Variants in ZNF84 observed in about 807,000 individuals in gnomAD.
The protein encoded by ZNF84 is zinc finger protein 84.
ZNF84 carries 12 observed loss-of-function variants against 14.8 expected under a neutral mutation model. That is an observed-to-expected ratio of 0.81 (90% CI 0.52 to 1.31). The LOEUF (loss-of-function observed/expected upper bound fraction) is 1.31, where lower values mean the gene tolerates loss of function less well. Ranked by LOEUF, ZNF84 falls within the 50% of genes most tolerant of loss-of-function variation. The pLI is 0.00. For missense variants in ZNF84, 859 were observed against 878.6 expected (o/e 0.98, Z 0.28); for synonymous variants, 347 against 291.1 (o/e 1.19, Z -1.96).
At chr12:133,050,523 G>A (rs1183610043) in intron 4 of ZNF84, 1 of 398,560 alleles carries the variant, frequency 2.5e-6, no homozygotes, top group Non-Finnish European at 4.4e-6. Context: ...TCTGCTTTCA[G>A]GGACCTCCAT....
chr12:133,047,801 A>C, intron 2 of ZNF84, 154 bp from the exon 3 acceptor site: 2 of 761,982 alleles, frequency 2.6e-6, no homozygotes, highest in Non-Finnish European at 4.2e-6. Flanking sequence ...AAGAATGCAC[A>C]ATGACATTTT....
At position 133,063,028 on chromosome 12, in the gene ZNF84, T is replaced by C. The variant is rs1197022316; in HGVS notation, c.*4096T>C. 1.4e-6 allele frequency: 1 copy of C among 693,126 alleles called. No homozygotes were observed. Among genetic ancestry groups the C allele is most frequent in the Non-Finnish European group, 2.6e-6 (1 of 378,948 alleles). 42.9% of individuals were successfully genotyped at this position (693,126 alleles called of 1,614,324 possible). A position where few individuals can be genotyped will look rare whatever the true frequency, so the allele number is the denominator to read the frequency against. On this transcript the variant is annotated 3_prime_UTR_variant, in exon 5 of 5. Transcript: ENST00000539354. ...GCTTCTAGAAAGCTAGTACTATCTT[T>C]TTTGTCTGTGTAATTTTTGCATCAC...
rs2137431379 is a variant in ZNF84, at chr12:133,059,665, T to G, written c.*733T>G. Reference sequence around the variant, plus strand: ...GTCACGTATGTTTTGTGTTTTGGACTTACCTATAATTTAATGTAATTGGGA... The same window carrying G: ...GTCACGTATGTTTTGTGTTTTGGACGTACCTATAATTTAATGTAATTGGGA... On this transcript the variant is annotated 3_prime_UTR_variant, in exon 5 of 5. Transcript: ENST00000539354. The G allele has an allele frequency of 6.6e-6, 1 of 152,358 alleles. No individual in the cohort carries two copies. The highest frequency in any genetic ancestry group is 2.1e-4 in the South Asian group (1 of 4,832). 9.4% of individuals were successfully genotyped at this position (152,358 alleles called of 1,614,324 possible).
At chr12:133,042,814 A>C (rs921270643) in intron 2 of ZNF84, among the ~76,000 whole-genome samples, 2 of 152,200 alleles carry the variant, frequency 1.3e-5, no homozygotes, top group East Asian at 3.8e-4. Flanking sequence ...AGTATGTTTT[A>C]AAAAATACAG....
intron 1 of ZNF84, among the ~76,000 whole-genome samples, chr12:133,039,616 C>A (rs1379085481): frequency 6.6e-6 from 1 of 152,194 alleles, no homozygotes; most frequent in African/African-American, 2.4e-5. Flanking sequence ...TATTGTCTCA[C>A]ATACAGAAAG....
rs1954240005 is a variant in ZNF84, at chr12:133,060,420, C to G, written c.*1488C>G. 1 of 152,166 alleles carries G rather than the reference C, an allele frequency of 6.6e-6. No individual in the cohort carries two copies. The highest frequency in any genetic ancestry group is 1.9e-4 in the East Asian group (1 of 5,200). 9.4% of individuals were successfully genotyped at this position (152,166 alleles called of 1,614,324 possible). ...TCCTGGACTTACAGTGGGGTTACCT[C>G]CCAATAAACCCATTGTAAGTTGAAA... On this transcript the variant is annotated 3_prime_UTR_variant, in exon 5 of 5. Transcript: ENST00000539354.
chr12:133,062,962 GATAAT>G lies in ZNF84; in HGVS notation c.*4036_*4040del, dbSNP rs1339163453. On this transcript the variant is annotated 3_prime_UTR_variant, in exon 5 of 5. Coordinates refer to ENST00000539354, the MANE Select transcript of ZNF84 (RefSeq NM_001289971.2). Reference sequence around the variant, plus strand: ...AACCTGTACGTGTGTTTCTCACTGTGATAATATAATCATTGCATGTTTTATCTTTC... The same window carrying G: ...AACCTGTACGTGTGTTTCTCACTGTGATAATCATTGCATGTTTTATCTTTC... 15 of 625,182 alleles carry G rather than the reference GATAAT, an allele frequency of 2.4e-5. No homozygotes were observed. The highest frequency in any genetic ancestry group is 1.1e-4 in the African/African-American group (6 of 54,640). 38.7% of individuals were successfully genotyped at this position (625,182 alleles called of 1,614,324 possible).
rs1316166200 is a variant in ZNF84, at chr12:133,057,270, T to C, written c.555T>C (p.Tyr185=). The C allele has an allele frequency of 1.5e-5, 25 of 1,613,608 alleles. No homozygotes were observed. The highest frequency in any genetic ancestry group is 8.8e-5 in the South Asian group (8 of 90,978). ...TWLKYYDCDK[Y]KESYKKSQII... is the part of the protein sequence containing the mutation. Reference sequence around the variant, plus strand: ...TAAAATACTATGACTGTGATAAATATAAAGAGAGCTATAAAAAGTCACAGA... The same window carrying C: ...TAAAATACTATGACTGTGATAAATACAAAGAGAGCTATAAAAAGTCACAGA... Residue 185 remains tyrosine (Y), a synonymous_variant, in exon 5 of 5, where the codon TAT becomes TAC. Coordinates refer to ENST00000539354, the MANE Select transcript of ZNF84 (RefSeq NM_001289971.2).
intron 1 of ZNF84, chr12:133,037,901 T>C (rs1456239528): frequency 6.6e-6 from 1 of 152,268 alleles, no homozygotes; most frequent in African/African-American, 2.4e-5. Context: ...GCTGCCCTGC[T>C]GGACCGCATC....
At chr12:133,043,996 T>C (rs1474478140) in intron 2 of ZNF84, among the ~76,000 whole-genome samples, 2 of 151,764 alleles carry the variant, frequency 1.3e-5, no homozygotes, top group South Asian at 4.2e-4. Flanking sequence ...ACTCCTGACC[T>C]TGTGATCCAC....
In ZNF84 at chr12:133,048,062, T is replaced by C; in HGVS notation, c.123T>C (p.Tyr41=). ...ACAAGGATGTGATGTTGGAGAACTA[T>C]AGCAGCCTAGTGTCACTGGGTAATA... ...NLYKDVMLEN[Y]SSLVSLGYEV... is the part of the protein sequence containing the mutation. The change falls in exon 3 of 5, where the codon TAT becomes TAC. Residue 41 remains tyrosine, a synonymous_variant. Coordinates refer to ENST00000539354, the MANE Select transcript of ZNF84 (RefSeq NM_001289971.2). 1 of 1,613,898 alleles carries C rather than the reference T, an allele frequency of 6.2e-7. No individual in the cohort carries two copies. Among genetic ancestry groups the C allele is most frequent in the South Asian group, 1.1e-5 (1 of 91,068 alleles).
In ZNF84 at chr12:133,062,161, C is replaced by G. The variant is rs1257477529; in HGVS notation, c.*3229C>G. On this transcript the variant is annotated 3_prime_UTR_variant, in exon 5 of 5. Transcript: ENST00000539354. ...CACTGACCTGGAATTGTGCACAGTTCTACAAAGGACAATTGACATTGTTTT... is the reference window on the plus strand; with the variant it reads ...CACTGACCTGGAATTGTGCACAGTTGTACAAAGGACAATTGACATTGTTTT... 4 of 152,180 alleles carry G rather than the reference C, an allele frequency of 2.6e-5. No individual in the cohort carries two copies. Among genetic ancestry groups the G allele is most frequent in the Admixed American group, 2.6e-4 (4 of 15,280 alleles). 9.4% of individuals were successfully genotyped at this position (152,180 alleles called of 1,614,324 possible).
Position 133,041,327 on chromosome 12 carries a change from A to C in ZNF84, c.-141A>C. 1.3e-6 allele frequency: 1 copy of C among 792,226 alleles called. No individual in the cohort carries two copies. The highest frequency in any genetic ancestry group is 2.1e-6 in the Non-Finnish European group (1 of 467,180). The allele number at this position is 792,226 out of a possible 1,614,324, so 49.1% of individuals were successfully genotyped here. On this transcript the variant is annotated 5_prime_UTR_variant, in exon 2 of 5. Transcript: ENST00000539354. ...TAAGCCTGCTCATGTGAGATAAGAA[A>C]GGAGTTCCTGGAACCAGGAATTCAT...
At chr12:133,056,876 T>C in intron 4 of ZNF84, 78 bp from the exon 5 acceptor site, 4 of 1,336,972 alleles carry the variant, frequency 3.0e-6, no homozygotes, top group Non-Finnish European at 4.1e-6. Context: ...CCCCTCAACA[T>C]AGCATTTCTA....
Position 133,063,218 on chromosome 12 carries a change from C to T in ZNF84, c.*4286C>T. ...CTTCTGGTCTTCATGTTCAGGTCCACCTCTGCCCTTTTCATGTCTTGATTG... is the reference window on the plus strand; with the variant it reads ...CTTCTGGTCTTCATGTTCAGGTCCATCTCTGCCCTTTTCATGTCTTGATTG... On this transcript the variant is annotated 3_prime_UTR_variant, in exon 5 of 5. Coordinates refer to ENST00000539354, the MANE Select transcript of ZNF84 (RefSeq NM_001289971.2). 3 of 702,356 alleles carry T rather than the reference C, an allele frequency of 4.3e-6. No homozygotes were observed. In the South Asian group the frequency reaches 4.4e-5, roughly 10 times the overall value. The allele number at this position is 702,356 out of a possible 1,614,324, so 43.5% of individuals were successfully genotyped here.
chr12:133,048,035 A>G lies in ZNF84; in HGVS notation c.96A>G (p.Leu32=), dbSNP rs1954012419. 1.2e-6 allele frequency: 2 copies of G among 1,614,126 alleles called. No individual in the cohort carries two copies. The highest frequency in any genetic ancestry group is 1.1e-5 in the South Asian group (1 of 91,086). ...WQLLDPSQKN[L]YKDVMLENYS... ...TACTGGATCCCTCTCAGAAGAATTT[A>G]TACAAGGATGTGATGTTGGAGAACT... The change falls in exon 3 of 5, where the codon TTA becomes TTG. Residue 32 remains leucine (L), a synonymous_variant. Coordinates refer to ENST00000539354, the MANE Select transcript of ZNF84 (RefSeq NM_001289971.2).
chr12:133,054,232 A>C (rs1480387236), intron 4 of ZNF84, among the ~76,000 whole-genome samples: 1 of 152,032 alleles, frequency 6.6e-6, no homozygotes, highest in South Asian at 2.1e-4. Context: ...AACAACAACA[A>C]AATTAGCCAG....
chr12:133,043,355 G>A (rs1953918965), intron 2 of ZNF84, among the ~76,000 whole-genome samples: 1 of 152,164 alleles, frequency 6.6e-6, no homozygotes, highest in African/African-American at 2.4e-5. Context: ...AGCAGAGACG[G>A]GGTTTCACTG....
rs1264994453 is a variant in ZNF84 at position 133,044,314 on chromosome 12, T to TA, written c.15+2835dup. Among the ~76,000 whole-genome samples, 9 of 77,090 alleles carry TA rather than the reference T, an allele frequency of 1.2e-4. No homozygotes were observed. The East Asian group carries it at 2.4e-3, about 21-fold the overall frequency. 50.6% of individuals were successfully genotyped at this position (77,090 alleles called of 152,430 possible). A position where few individuals can be genotyped will look rare whatever the true frequency, so the allele number is the denominator to read the frequency against. Reference sequence around the variant, plus strand: ...CACCTACTACTAAGTACAGCTAGTTTAAATTTTTTTTTTTTTTTTTGGTAG... The same window carrying TA: ...CACCTACTACTAAGTACAGCTAGTTTAAAATTTTTTTTTTTTTTTTTGGTAG... On this transcript the variant is annotated intron_variant, in intron 2 of 4. Coordinates refer to ENST00000539354, the MANE Select transcript of ZNF84 (RefSeq NM_001289971.2).
Sources: gnomAD v4.1 joint callset for allele counts (sites outside exome capture counted in the v4.1 genomes callset) on GRCh38, gnomAD v4.1.1 for gene constraint, MANE v1.5 for transcripts, NCBI Gene and HGNC (gene_info 2026-07-23, HGNC 2026-07-21) for gene names.